PXDN: variants seen among roughly 807,000 people sequenced by gnomAD.
PXDN encodes the protein peroxidasin.
Under a neutral mutation model 140.3 loss-of-function variants are expected in PXDN, and 77 were observed. That is an observed-to-expected ratio of 0.55 (90% CI 0.46 to 0.66). PXDN has a LOEUF of 0.66. PXDN is among the 30% of genes least tolerant of loss of function. The pLI, the probability that PXDN is intolerant of heterozygous loss-of-function variation, is 0.00. For synonymous variants in PXDN, 911 were observed against 857.4 expected (o/e 1.06, Z -1.09); for missense variants, 1,838 against 2,039.5 (o/e 0.90, Z 1.90).
intron 18 of PXDN, 104 bp downstream of exon 18, chr2:1,644,514 G>C (rs1207816388): frequency 1.5e-6 from 2 of 1,293,490 alleles, no homozygotes; most frequent in African/African-American, 1.5e-5. Context: ...GAAGACACTA[G>C]GGCCTCGTGC....
intron 21 of PXDN, chr2:1,637,094 G>C (rs1207342809): frequency 6.6e-6 from 1 of 152,448 alleles, no homozygotes; most frequent in Admixed American, 6.5e-5. Flanking sequence ...AGGGCATAGG[G>C]CGTTGGTATT....
chr2:1,634,338 C>T lies in PXDN; in HGVS notation c.4321-15G>A, dbSNP rs1446280177. ...ACCTGCCCGTCCTGGAGAAGAGAGA[C>T]GGAGCACAGCCTGTCAGCTCTGGGA... is the stretch of plus-strand genomic sequence containing the variant. On this transcript the variant is annotated splice_polypyrimidine_tract_variant and intron_variant, in intron 22 of 22. Transcript: ENST00000252804. 25 of 1,561,824 alleles carry T rather than the reference C, an allele frequency of 1.6e-5. No homozygotes were observed. The highest frequency in any genetic ancestry group is 8.3e-5 in the South Asian group (7 of 84,664).
intron 18 of PXDN, 64 bp downstream of exon 18, chr2:1,644,554 C>A: frequency 6.8e-7 from 1 of 1,467,826 alleles, no homozygotes; most frequent in Non-Finnish European, 9.1e-7. Flanking sequence ...GACAGCTCTT[C>A]TCCTCTGGAG....
intron 1 of PXDN, among the ~76,000 whole-genome samples, chr2:1,717,552 T>C (rs979778738): frequency 6.6e-6 from 1 of 152,066 alleles, no homozygotes; most frequent in African/African-American, 2.4e-5. Context: ...ACCTAATAGA[T>C]GAAAAGAATC....
intron 1 of PXDN, among the ~76,000 whole-genome samples, chr2:1,730,047 T>G (rs2125489151): frequency 6.6e-6 from 1 of 152,028 alleles, no homozygotes; most frequent in Non-Finnish European, 1.5e-5. Flanking sequence ...AGATAAATAT[T>G]AACAGGTAGA....
At chr2:1,734,654 G>A (rs1449863326) in intron 1 of PXDN, among the ~76,000 whole-genome samples, 2 of 152,132 alleles carry the variant, frequency 1.3e-5, no homozygotes, top group Non-Finnish European at 2.9e-5. Context: ...GGATCACGAG[G>A]TCAAGAGACT....
intron 1 of PXDN, among the ~76,000 whole-genome samples, chr2:1,737,231 G>A (rs899681508): frequency 3.3e-5 from 5 of 152,116 alleles, no homozygotes; most frequent in East Asian, 1.9e-4. Flanking sequence ...TCTTCACCTC[G>A]GGCCTCCGGG....
intron 1 of PXDN, among the ~76,000 whole-genome samples, chr2:1,739,808 C>T (rs1382947808): frequency 1.3e-5 from 2 of 152,164 alleles, no homozygotes; most frequent in East Asian, 1.9e-4. Flanking sequence ...TTGGTCCGCC[C>T]ACCACCTTGC....
intron 14 of PXDN, among the ~76,000 whole-genome samples, chr2:1,659,745 T>G (rs1167455656): frequency 6.6e-6 from 1 of 152,228 alleles, no homozygotes; most frequent in East Asian, 1.9e-4. Context: ...TACATCAACT[T>G]TACATTTCAC....
At chr2:1,713,774 G>A (rs1684836570) in intron 1 of PXDN, among the ~76,000 whole-genome samples, 1 of 152,252 alleles carries the variant, frequency 6.6e-6, no homozygotes, top group Non-Finnish European at 1.5e-5. Context: ...GGTAAGAGGT[G>A]GGCAGCCAGG....
intron 1 of PXDN, among the ~76,000 whole-genome samples, chr2:1,697,975 C>T (rs1684337088): frequency 6.6e-6 from 1 of 152,220 alleles, no homozygotes. Flanking sequence ...AAGTGGAACA[C>T]AGATGAACAC....
chr2:1,642,856 G>C (rs558529533), intron 19 of PXDN, among the ~76,000 whole-genome samples: 1 of 152,166 alleles, frequency 6.6e-6, no homozygotes, highest in East Asian at 1.9e-4. Flanking sequence ...CAGCTACAGG[G>C]CCCCCCGCGC....
intron 1 of PXDN, among the ~76,000 whole-genome samples, chr2:1,697,821 C>T (rs189270342): frequency 8.5e-5 from 13 of 152,312 alleles, no homozygotes; most frequent in African/African-American, 2.9e-4. Flanking sequence ...ACCACTGGGT[C>T]ACCTGCCCTC....
chr2:1,734,265 T>C (rs1685380511), intron 1 of PXDN, among the ~76,000 whole-genome samples: 1 of 152,372 alleles, frequency 6.6e-6, no homozygotes, highest in Middle Eastern at 3.4e-3. Flanking sequence ...TGATTAACTA[T>C]GCAGTAGCAT....
At chr2:1,736,418 G>C in intron 1 of PXDN, among the ~76,000 whole-genome samples, 1 of 152,116 alleles carries the variant, frequency 6.6e-6, no homozygotes, top group Admixed American at 6.5e-5. Context: ...ATGGAGGGAC[G>C]GCCAGTCAGT....
Position 1,649,802 on chromosome 2 carries a change from C to G in PXDN, c.2105-127G>C. ...CCCAGCTCATGAAACCTGTTGTGCG[C>G]CATGCAACAAGCGCTTCCTGCTGGA... is the stretch of plus-strand genomic sequence containing the variant. On this transcript the variant is annotated intron_variant, in intron 16 of 22. Coordinates refer to ENST00000252804, the MANE Select transcript of PXDN (RefSeq NM_012293.3). This position sits in a 1 kb window ranked among gnomAD's most constrained non-coding sequence, Gnocchi z 7.1. 4 of 1,112,938 alleles carry G rather than the reference C, an allele frequency of 3.6e-6. No homozygotes were observed. The South Asian group carries it at 5.4e-5, about 15-fold the overall frequency. The allele number at this position is 1,112,938 out of a possible 1,614,324, so 68.9% of individuals were successfully genotyped here. A position where few individuals can be genotyped will look rare whatever the true frequency, so the allele number is the denominator to read the frequency against.
At chr2:1,709,233 G>A (rs949222865) in intron 1 of PXDN, among the ~76,000 whole-genome samples, 14 of 152,244 alleles carry the variant, frequency 9.2e-5, no homozygotes, top group Non-Finnish European at 1.8e-4. Flanking sequence ...GCTGTTCGGT[G>A]AGGAGGAGGC....
Position 1,744,239 on chromosome 2 carries a change from TC to T in PXDN, c.200+16del, listed in dbSNP as rs1489158312. 72 of 1,464,972 alleles carry T rather than the reference TC, an allele frequency of 4.9e-5. No individual in the cohort carries two copies. Among genetic ancestry groups the T allele is most frequent in the Middle Eastern group, 2.3e-4 (1 of 4,412 alleles). The allele number at this position is 1,464,972 out of a possible 1,614,324, so 90.7% of individuals were successfully genotyped here. On this transcript the variant is annotated intron_variant, in intron 1 of 22. Coordinates refer to ENST00000252804, the MANE Select transcript of PXDN (RefSeq NM_012293.3). ...AGCCCCGGACCCCGCGCCCCCGGCG[TC>T]CCCCGCGGCACTCACAGGATGGAGG...
chr2:1,700,665 G>A (rs1684404191), intron 1 of PXDN, among the ~76,000 whole-genome samples: 2 of 152,016 alleles, frequency 1.3e-5, no homozygotes, highest in South Asian at 4.2e-4. Context: ...CTTGAGGTCA[G>A]GAGTTCGAGA....
Sources: gnomAD v4.1 joint callset for allele counts (sites outside exome capture counted in the v4.1 genomes callset) on GRCh38, gnomAD v4.1.1 for gene constraint, Gnocchi (gnomAD v3.1) non-coding constraint, MANE v1.5 for transcripts, NCBI Gene and HGNC (gene_info 2026-07-23, HGNC 2026-07-21) for gene names.